The following UGT2B11 variants were observed in gnomAD, a reference collection of about 807,000 sequenced individuals.
UGT2B11 encodes UDP-glucuronosyltransferase 2B11.
A neutral mutation model predicts 51.7 loss-of-function variants in UGT2B11; 49 were observed. That is an observed-to-expected ratio of 0.95 (90% CI 0.75 to 1.20). The LOEUF (loss-of-function observed/expected upper bound fraction) is 1.20, where lower values mean the gene tolerates loss of function less well. Among genes scored for constraint, UGT2B11 ranks in the 50% most tolerant of loss-of-function variants. The pLI is 0.00. For missense variants in UGT2B11, 810 were observed against 622.1 expected, an observed-to-expected ratio of 1.30 and a Z score of -3.21; for synonymous variants, 273 against 209.0, an observed-to-expected ratio of 1.31 and a Z score of -2.64.
In UGT2B11 at chr4:69,200,627, A is replaced by C; in HGVS notation, c.1403T>G (p.Met468Arg). Residue 468 changes from methionine to arginine, a missense_variant, in exon 6 of 6, where the codon ATG becomes AGG. Met to Arg is a moderately conservative substitution (Grantham distance 91). Coordinates refer to ENST00000446444, the MANE Select transcript of UGT2B11 (RefSeq NM_001073.3). ...AAGGTGTTTGGCTCCTTTGTGGGGC[A>C]TGACAAATTCAATCCAGAAGACTGC... The part of the protein sequence containing the change: ...DRAVFWIEFV[M>R]PHKGAKHLRV... 1 of 1,612,476 alleles carries C rather than the reference A, an allele frequency of 6.2e-7. No homozygotes were observed. The highest frequency in any genetic ancestry group is 1.1e-5 in the South Asian group (1 of 91,038).
the UGT2B11 span, among the ~76,000 whole-genome samples, chr4:69,221,654 C>T: frequency 1.1e-4 from 17 of 152,292 alleles, no homozygotes; most frequent in Admixed American, 7.8e-4. Context: ...GCTGAGGAGA[C>T]GAGAGAAATA....
Position 69,214,092 on chromosome 4 carries a change from C to T in UGT2B11, c.631G>A (p.Val211Ile), listed in dbSNP as rs1221679606. 6.2e-7 allele frequency: 1 copy of T among 1,611,062 alleles called. No homozygotes were observed. Among genetic ancestry groups the T allele is most frequent in the Non-Finnish European group, 8.5e-7 (1 of 1,178,632 alleles). Reference protein sequence around the residue: ...LSDQMTFMERVKNMIYVLYFD... With the variant: ...LSDQMTFMERIKNMIYVLYFD... ...TAAAGCACATAGATCATATTTTTTA[C>T]CCTCTCCATGAAAGTCATTTGATCA... The change falls in exon 1 of 6, where the codon GTA becomes ATA. Residue 211 changes from valine (V) to isoleucine (I), a missense_variant. Transcript: ENST00000446444.
chr4:69,219,958 A>G, the UGT2B11 span, among the ~76,000 whole-genome samples: 9 of 152,308 alleles, frequency 5.9e-5, no homozygotes, highest in South Asian at 1.9e-3. Flanking sequence ...TTAACTCAAA[A>G]GTCCACAGTC....
chr4:69,205,159 A>G (rs1458476055), intron 4 of UGT2B11, among the ~76,000 whole-genome samples: 4 of 151,686 alleles, frequency 2.6e-5, no homozygotes, highest in Non-Finnish European at 4.4e-5. Flanking sequence ...TGGCATTTGA[A>G]ATAATCCTGC....
At chr4:69,212,519 A>G (rs1722104256) in intron 2 of UGT2B11, 54 bp downstream of exon 2, 3 of 1,585,912 alleles carry the variant, frequency 1.9e-6, no homozygotes, top group Non-Finnish European at 1.7e-6. Flanking sequence ...CTATAGACTC[A>G]TTTCTACTGA....
intron 2 of UGT2B11, among the ~76,000 whole-genome samples, chr4:69,209,721 C>A (rs1721987246): frequency 6.6e-6 from 1 of 151,506 alleles, no homozygotes; most frequent in Non-Finnish European, 1.5e-5. Flanking sequence ...CGTGTGATTG[C>A]AGTTACCTGT....
chr4:69,218,803 A>G (rs543306445), upstream of UGT2B11, among the ~76,000 whole-genome samples: 4 of 152,172 alleles, frequency 2.6e-5, no homozygotes, highest in South Asian at 2.1e-4. Flanking sequence ...AGTTTTTCTT[A>G]TATAGGAGTT....
upstream of UGT2B11, chr4:69,216,369 T>A (rs1012442142): frequency 4.6e-5 from 7 of 152,030 alleles, no homozygotes; most frequent in Non-Finnish European, 7.4e-5. Flanking sequence ...TCTTGATCAA[T>A]TTCATAAATA....
In UGT2B11 at chr4:69,205,259, G is replaced by A. The variant is rs150274574; in HGVS notation, c.1090+221C>T. 9.5e-3 allele frequency among the ~76,000 whole-genome samples: 1,444 copies of A among 151,758 alleles called. 20 individuals are homozygous for A. The highest frequency in any genetic ancestry group is 0.032 in the African/African-American group (1,313 of 41,444). On this transcript the variant is annotated intron_variant, in intron 4 of 5. Coordinates refer to ENST00000446444, the MANE Select transcript of UGT2B11 (RefSeq NM_001073.3). ...TTGAAAAATTCTGTGAGATATAATAGCACCTGAAATAAAGATTATCTCTGA... is the reference window on the plus strand; with the variant it reads ...TTGAAAAATTCTGTGAGATATAATAACACCTGAAATAAAGATTATCTCTGA...
chr4:69,207,128 T>A (rs1721889120), intron 3 of UGT2B11, among the ~76,000 whole-genome samples: 1 of 151,606 alleles, frequency 6.6e-6, no homozygotes, highest in South Asian at 2.1e-4. Context: ...ATAAAGCTAA[T>A]GAATAAACTC....
At chr4:69,211,498 A>T (rs1174506133) in intron 2 of UGT2B11, among the ~76,000 whole-genome samples, 1 of 151,622 alleles carries the variant, frequency 6.6e-6, no homozygotes, top group Non-Finnish European at 1.5e-5. Flanking sequence ...TGCACATGTT[A>T]AGTAGTTAGT....
In UGT2B11 at chr4:69,200,072, C is replaced by G; in HGVS notation, c.*368G>C. On this transcript the variant is annotated 3_prime_UTR_variant, in exon 6 of 6. Coordinates refer to ENST00000446444, the MANE Select transcript of UGT2B11 (RefSeq NM_001073.3). ...TACTGTCAGTAGACTTCTTAATGTTCTTGTGTTTATGTAAAATGTGTGAAA... is the reference window on the plus strand; with the variant it reads ...TACTGTCAGTAGACTTCTTAATGTTGTTGTGTTTATGTAAAATGTGTGAAA... 1 of 172,014 alleles carries G rather than the reference C, an allele frequency of 5.8e-6. No homozygotes were observed. Among genetic ancestry groups the G allele is most frequent in the South Asian group, 1.5e-4 (1 of 6,768 alleles). The allele number at this position is 172,014 out of a possible 1,614,324, so 10.7% of individuals were successfully genotyped here. A position where few individuals can be genotyped will look rare whatever the true frequency, so the allele number is the denominator to read the frequency against.
chr4:69,201,708 G>T (rs895694927), intron 5 of UGT2B11, among the ~76,000 whole-genome samples: 3 of 151,498 alleles, frequency 2.0e-5, no homozygotes, highest in African/African-American at 4.8e-5. Context: ...GGCTTTTACT[G>T]GACAATGATG....
chr4:69,213,654 T>A (rs146076018), intron 1 of UGT2B11, among the ~76,000 whole-genome samples: 7,292 of 151,926 alleles, frequency 0.048, 209 homozygotes, highest in South Asian at 0.12. Context: ...ACTCATTCTA[T>A]ATCTATGCAT....
Position 69,212,577 on chromosome 4 carries a change from G to T in UGT2B11, c.866C>A (p.Pro289His). ...GFHCKPAKPL[P>H]KEMEEFVQSS... ...AACCAACAAAAGTATGTTTACCTTA[G>T]GTAGGGGTTTGGCAGGTTTGCAGTG... is the stretch of plus-strand genomic sequence containing the variant. Residue 289 changes from proline to histidine, a missense_variant, in exon 2 of 6, where the codon CCT becomes CAT. Physicochemically the swap from Pro to His is moderately conservative, Grantham distance 77. Coordinates refer to ENST00000446444, the MANE Select transcript of UGT2B11 (RefSeq NM_001073.3). 1 of 1,607,184 alleles carries T rather than the reference G, an allele frequency of 6.2e-7. No homozygotes were observed. Among genetic ancestry groups the T allele is most frequent in the East Asian group, 2.2e-5 (1 of 44,534 alleles).
the UGT2B11 span, among the ~76,000 whole-genome samples, chr4:69,221,639 T>C: frequency 3.9e-4 from 60 of 152,310 alleles, no homozygotes; most frequent in African/African-American, 1.2e-3. Context: ...AGTCTCCCAA[T>C]TGCAGCTGAG....
Position 69,204,512 on chromosome 4 carries a change from C to G in UGT2B11, c.1228G>C (p.Gly410Arg). Residue 410 changes from glycine to arginine, a missense_variant, in exon 5 of 6, where the codon GGA becomes CGA. Transcript: ENST00000446444. ...TTGAAGTCCAATCTAACAGCTGCTC[C>G]CTTGGCCTTCATGTGAGCAATGTTA... is the stretch of plus-strand genomic sequence containing the variant. ...PDNIAHMKAK[G>R]AAVRLDFNTM... The G allele has an allele frequency of 6.2e-7, 1 of 1,612,276 alleles. No individual in the cohort carries two copies. The highest frequency in any genetic ancestry group is 8.5e-7 in the Non-Finnish European group (1 of 1,178,882).
At chr4:69,215,596 G>T (rs1722246179), upstream of UGT2B11, 1 of 151,948 alleles carries the variant, frequency 6.6e-6, no homozygotes, top group Non-Finnish European at 1.5e-5. Context: ...TGATGTGCAT[G>T]AATTCTGTGG....
At chr4:69,215,299 G>A (rs1722233349), upstream of UGT2B11, 2 of 152,056 alleles carry the variant, frequency 1.3e-5, no homozygotes, top group African/African-American at 2.4e-5. Context: ...CATCCACCCT[G>A]CACTAGGCAA....
Sources: allele counts gnomAD v4.1 joint callset (sites outside exome capture counted in the v4.1 genomes callset), GRCh38; gene constraint gnomAD v4.1.1; transcripts MANE v1.5; gene names NCBI Gene and HGNC (gene_info 2026-07-23, HGNC 2026-07-21).